The following B4GALT6 variants were observed in gnomAD, a reference collection of about 807,000 sequenced individuals.
The protein encoded by B4GALT6 is beta-1,4-galactosyltransferase 6, also known as UDP-Gal:beta-GlcNAc beta-1,4-galactosyltransferase 6.
B4GALT6 carries 14 observed loss-of-function variants against 46.3 expected under a neutral mutation model. That is an observed-to-expected ratio of 0.30 (90% CI 0.20 to 0.47). The LOEUF (loss-of-function observed/expected upper bound fraction) is 0.47. Ranked by LOEUF, B4GALT6 falls within the 20% of genes least tolerant of loss-of-function variation. The pLI is 0.99. For missense variants in B4GALT6, 386 were observed against 480.1 expected (o/e 0.80, Z 1.83); for synonymous variants, 168 against 162.0 (o/e 1.04, Z -0.28).
At chr18:31,696,256 T>G in the B4GALT6 span, among the ~76,000 whole-genome samples, 13 of 151,950 alleles carry the variant, frequency 8.6e-5, no homozygotes, top group Admixed American at 3.3e-4. Flanking sequence ...AGAGAAAAAA[T>G]AAATATGGAA....
chr18:31,678,961 T>C (rs994575089), intron 1 of B4GALT6, among the ~76,000 whole-genome samples: 1 of 152,202 alleles, frequency 6.6e-6, no homozygotes, highest in Non-Finnish European at 1.5e-5. Context: ...CAGGACGGGT[T>C]AGGAAATTAA....
In B4GALT6 at chr18:31,625,483, A is replaced by C; in HGVS notation, c.*131T>G. 1 of 992,280 alleles carries C rather than the reference A, an allele frequency of 1.0e-6. No homozygotes were observed. Among genetic ancestry groups the C allele is most frequent in the Non-Finnish European group, 1.5e-6 (1 of 654,396 alleles). 61.5% of individuals were successfully genotyped at this position (992,280 alleles called of 1,614,324 possible). A position where few individuals can be genotyped will look rare whatever the true frequency, so the allele number is the denominator to read the frequency against. On this transcript the variant is annotated 3_prime_UTR_variant, in exon 9 of 9. Coordinates refer to ENST00000306851, the MANE Select transcript of B4GALT6 (RefSeq NM_004775.5). Reference sequence around the variant, plus strand: ...GACTGTATATAGTCCCACTCTGTAAACACTGTGGACTGCTGGCTCTTCTCA... The same window carrying C: ...GACTGTATATAGTCCCACTCTGTAACCACTGTGGACTGCTGGCTCTTCTCA...
the B4GALT6 span, among the ~76,000 whole-genome samples, chr18:31,708,831 G>C: frequency 6.6e-6 from 1 of 152,074 alleles, no homozygotes; most frequent in Non-Finnish European, 1.5e-5. Context: ...GGGGGAGAGA[G>C]GCCATCCTCA....
intron 2 of B4GALT6, among the ~76,000 whole-genome samples, chr18:31,660,586 A>G (rs941080278): frequency 8.5e-5 from 13 of 152,142 alleles, no homozygotes; most frequent in African/African-American, 3.1e-4. Flanking sequence ...ATTCTTAAAA[A>G]TAAGTTTGCC....
the B4GALT6 span, among the ~76,000 whole-genome samples, chr18:31,716,363 CT>C: frequency 4.6e-5 from 7 of 152,152 alleles, no homozygotes; most frequent in African/African-American, 1.7e-4. Flanking sequence ...GGCTTCTGGA[CT>C]GGTTATGGCA....
chr18:31,660,476 C>T (rs1296213868), intron 2 of B4GALT6, among the ~76,000 whole-genome samples: 4 of 151,712 alleles, frequency 2.6e-5, no homozygotes, highest in Non-Finnish European at 5.9e-5. Flanking sequence ...CATTGATTTA[C>T]ACCTTAGAGT....
chr18:31,628,136 G>A (rs2073725861), intron 6 of B4GALT6, among the ~76,000 whole-genome samples: 1 of 152,200 alleles, frequency 6.6e-6, no homozygotes, highest in Non-Finnish European at 1.5e-5. Context: ...AGGGTTGTAG[G>A]AGAAAGCAGT....
rs1973768586 is a variant in B4GALT6 at position 31,623,381 on chromosome 18, A to G, written c.*2233T>C. The G allele has an allele frequency of 6.6e-6, 1 of 152,476 alleles. No individual in the cohort carries two copies. Among genetic ancestry groups the G allele is most frequent in the African/African-American group, 2.4e-5 (1 of 41,454 alleles). 9.4% of individuals were successfully genotyped at this position (152,476 alleles called of 1,614,324 possible). A position where few individuals can be genotyped will look rare whatever the true frequency, so the allele number is the denominator to read the frequency against. ...ATGACAAACTATATTTCAAAACTGA[A>G]AAAAAGCAAAATGTTTATATCTCAC... On this transcript the variant is annotated 3_prime_UTR_variant, in exon 9 of 9. Coordinates refer to ENST00000306851, the MANE Select transcript of B4GALT6 (RefSeq NM_004775.5).
intron 4 of B4GALT6, among the ~76,000 whole-genome samples, chr18:31,642,241 G>C (rs2073939216): frequency 6.6e-6 from 1 of 152,094 alleles, no homozygotes; most frequent in South Asian, 2.1e-4. Context: ...ACAGTGGTGT[G>C]ATCACACCTC....
the B4GALT6 span, among the ~76,000 whole-genome samples, chr18:31,706,274 C>T: frequency 6.6e-6 from 1 of 151,922 alleles, no homozygotes; most frequent in Admixed American, 6.6e-5. Flanking sequence ...ATATATATTA[C>T]ATATGTGTGT....
intron 5 of B4GALT6, among the ~76,000 whole-genome samples, chr18:31,636,992 T>C (rs779041018): frequency 6.6e-5 from 10 of 152,174 alleles, no homozygotes; most frequent in Admixed American, 3.3e-4. Flanking sequence ...GGCTAATTTT[T>C]GTATTTTTAG....
chr18:31,685,831 C>A (rs2029895836), upstream of B4GALT6: 1 of 152,222 alleles, frequency 6.6e-6, no homozygotes, highest in Non-Finnish European at 1.5e-5. Context: ...TTAATGAATC[C>A]CCCCTCCTAT....
chr18:31,698,703 C>T, the B4GALT6 span, among the ~76,000 whole-genome samples: 1 of 151,488 alleles, frequency 6.6e-6, no homozygotes, highest in Admixed American at 6.6e-5. Context: ...GACCACTAAC[C>T]AGTATACTCA....
At chr18:31,702,521 T>G in the B4GALT6 span, among the ~76,000 whole-genome samples, 1 of 152,204 alleles carries the variant, frequency 6.6e-6, no homozygotes, top group South Asian at 2.1e-4. Flanking sequence ...GATGCTCCCA[T>G]TTGTATCTTT....
At chr18:31,663,900 T>C (rs1479903519) in intron 2 of B4GALT6, among the ~76,000 whole-genome samples, 2 of 152,240 alleles carry the variant, frequency 1.3e-5, no homozygotes. Context: ...TAAATGAACA[T>C]GGCGGAGCCT....
intron 3 of B4GALT6, among the ~76,000 whole-genome samples, chr18:31,653,020 C>CTTT (rs766019120): frequency 1.4e-5 from 2 of 141,536 alleles, no homozygotes; most frequent in African/African-American, 5.2e-5. Context: ...TTTATTTTTG[C>CTTT]TTTTTTTTTT....
In B4GALT6 at chr18:31,644,499, A is replaced by C. The variant is rs578193776; in HGVS notation, c.471+856T>G. Reference sequence around the variant, plus strand: ...TATTCTAGAAGTATACTAATGTTTTAAAAGATAAACTGTTTCCAGATCAAG... The same window carrying C: ...TATTCTAGAAGTATACTAATGTTTTCAAAGATAAACTGTTTCCAGATCAAG... On this transcript the variant is annotated intron_variant, in intron 4 of 8. Transcript: ENST00000306851. 1.0e-3 allele frequency among the ~76,000 whole-genome samples: 157 copies of C among 152,312 alleles called. 1 individual carries two copies. The highest frequency in any genetic ancestry group is 3.6e-3 in the African/African-American group (151 of 41,564).
intron 1 of B4GALT6, among the ~76,000 whole-genome samples, chr18:31,674,078 C>T (rs1214828750): frequency 6.6e-6 from 1 of 152,208 alleles, no homozygotes; most frequent in South Asian, 2.1e-4. Flanking sequence ...TTTCAGACTT[C>T]TGGCCTCCAT....
At chr18:31,633,344 G>A (rs1276374752) in intron 5 of B4GALT6, among the ~76,000 whole-genome samples, 1 of 152,054 alleles carries the variant, frequency 6.6e-6, no homozygotes, top group Non-Finnish European at 1.5e-5. Flanking sequence ...GGCAGTGGGG[G>A]GTTTTAAGCG....
Sources: gnomAD v4.1 joint callset for allele counts (sites outside exome capture counted in the v4.1 genomes callset) on GRCh38, gnomAD v4.1.1 for gene constraint, MANE v1.5 for transcripts, NCBI Gene and HGNC (gene_info 2026-07-23, HGNC 2026-07-21) for gene names.